Variants in SPAG6 observed in about 807,000 individuals in gnomAD.
SPAG6 encodes the protein sperm associated antigen 6, also known as sperm-associated antigen 6.
In SPAG6, 49 loss-of-function variants were observed where a neutral mutation model predicts 58.5. The observed-to-expected ratio is 0.84, with a 90% CI of 0.67 to 1.06. SPAG6 has a LOEUF of 1.06. Ranked by LOEUF, SPAG6 falls within the 50% of genes least tolerant of loss-of-function variation. SPAG6 has a pLI of 0.00. For missense variants in SPAG6, 560 were observed against 611.3 expected, an observed-to-expected ratio of 0.92 and a Z score of 0.89; for synonymous variants, 233 against 225.6, an observed-to-expected ratio of 1.03 and a Z score of -0.29.
intron 3 of SPAG6, among the ~76,000 whole-genome samples, chr10:22,365,451 A>G (rs549931270): frequency 2.0e-5 from 3 of 152,204 alleles, no homozygotes; most frequent in Non-Finnish European, 4.4e-5. Flanking sequence ...GAGAATAAGT[A>G]TGTGTAATGG....
intron 6 of SPAG6, among the ~76,000 whole-genome samples, chr10:22,388,608 T>G (rs1022010454): frequency 6.6e-6 from 1 of 152,192 alleles, no homozygotes; most frequent in Admixed American, 6.5e-5. Context: ...TGAAGTATCT[T>G]TTTTCTGTGT....
At chr10:22,372,110 CT>C (rs995304257) in intron 4 of SPAG6, among the ~76,000 whole-genome samples, 2 of 152,098 alleles carry the variant, frequency 1.3e-5, no homozygotes, top group African/African-American at 4.8e-5. Context: ...TTTTGTAACC[CT>C]TTCCCACTCT....
At chr10:22,409,601 A>G (rs984278001) in intron 9 of SPAG6, among the ~76,000 whole-genome samples, 3 of 152,228 alleles carry the variant, frequency 2.0e-5, no homozygotes, top group Non-Finnish European at 2.9e-5. Context: ...TATAGTCTGA[A>G]GTCTTCAGAT....
At chr10:22,379,844 G>A (rs908397113) in intron 4 of SPAG6, among the ~76,000 whole-genome samples, 2 of 152,218 alleles carry the variant, frequency 1.3e-5, no homozygotes, top group Non-Finnish European at 2.9e-5. Flanking sequence ...TGCCTAGGCT[G>A]AGTACAGTGG....
At chr10:22,392,703 A>G (rs1476507549) in intron 8 of SPAG6, among the ~76,000 whole-genome samples, 1 of 152,152 alleles carries the variant, frequency 6.6e-6, no homozygotes, top group Non-Finnish European at 1.5e-5. Context: ...TTTAATTAAA[A>G]CAGTAAACAA....
intron 2 of SPAG6, among the ~76,000 whole-genome samples, chr10:22,353,707 C>A (rs1055704315): frequency 4.6e-5 from 7 of 152,142 alleles, no homozygotes; most frequent in Non-Finnish European, 8.8e-5. Context: ...GAGGCATAGT[C>A]CCTGTGCTTA....
chr10:22,401,135 G>T, intron 8 of SPAG6, 26 bp from the exon 9 acceptor site: 1 of 1,012,040 alleles, frequency 9.9e-7, no homozygotes, highest in Non-Finnish European at 1.6e-6. Context: ...ACTTACTTAT[G>T]TATACATTCT....
rs1028904324 is a variant in SPAG6, at chr10:22,346,118, T to C, written c.121+300T>C. ...ATTTTACGTGAATGGGACTCTACCC[T>C]AATGAGACCCATTTTATCCAAGTGC... is the stretch of plus-strand genomic sequence containing the variant. On this transcript the variant is annotated intron_variant, in intron 2 of 10. Transcript: ENST00000376624. 7 of 1,423,954 alleles carry C rather than the reference T, an allele frequency of 4.9e-6. No individual in the cohort carries two copies. The Admixed American group carries it at 1.0e-4, about 21-fold the overall frequency. 88.2% of individuals were successfully genotyped at this position (1,423,954 alleles called of 1,614,324 possible). A position where few individuals can be genotyped will look rare whatever the true frequency, so the allele number is the denominator to read the frequency against.
intron 2 of SPAG6, among the ~76,000 whole-genome samples, chr10:22,354,178 AAG>A (rs1421071534): frequency 6.6e-6 from 1 of 152,202 alleles, no homozygotes; most frequent in African/African-American, 2.4e-5. Context: ...GAGAGTAGAT[AAG>A]AGGGGATTAA....
rs754220965 is a variant in SPAG6, at chr10:22,350,106, CT to C, written c.121+4301del. On this transcript the variant is annotated intron_variant, in intron 2 of 10. Transcript: ENST00000376624. Reference sequence around the variant, plus strand: ...AACCAATCATGCTATTTAAATTTGACTTTTTTTTTTTTTGGTATAGAAGGAG... The same window carrying C: ...AACCAATCATGCTATTTAAATTTGACTTTTTTTTTTTTGGTATAGAAGGAG... Among the ~76,000 whole-genome samples the C allele has an allele frequency of 5.7e-3, 815 of 142,402 alleles. 1 individual carries two copies. Among genetic ancestry groups the C allele is most frequent in the African/African-American group, 0.011 (442 of 39,140 alleles). The allele number at this position is 142,402 out of a possible 152,430, so 93.4% of individuals were successfully genotyped here.
chr10:22,367,103 A>T (rs1837222303), intron 3 of SPAG6, among the ~76,000 whole-genome samples: 1 of 151,924 alleles, frequency 6.6e-6, no homozygotes, highest in South Asian at 2.1e-4. Flanking sequence ...AGGGAATGAG[A>T]TCAGAAAGTG....
chr10:22,404,931 G>T (rs1387253852), intron 9 of SPAG6, among the ~76,000 whole-genome samples: 2 of 151,608 alleles, frequency 1.3e-5, no homozygotes, highest in African/African-American at 4.8e-5. Context: ...TCATGATTTG[G>T]CTGTTTGTCT....
chr10:22,411,985 A>G (rs1379473499), intron 10 of SPAG6, among the ~76,000 whole-genome samples: 2 of 151,558 alleles, frequency 1.3e-5, no homozygotes, highest in Admixed American at 1.3e-4. Context: ...AGTAGCTGGT[A>G]CTACAGACGC....
At chr10:22,405,702 A>G (rs1733699293) in intron 9 of SPAG6, among the ~76,000 whole-genome samples, 1 of 152,090 alleles carries the variant, frequency 6.6e-6, no homozygotes, top group African/African-American at 2.4e-5. Context: ...GAATAGTTTC[A>G]GAAGGAATGG....
chr10:22,409,203 T>C (rs1834655058), intron 9 of SPAG6, among the ~76,000 whole-genome samples: 1 of 152,088 alleles, frequency 6.6e-6, no homozygotes, highest in Non-Finnish European at 1.5e-5. Flanking sequence ...AAAGAGATGA[T>C]AAAGCAAGGT....
chr10:22,352,970 T>G lies in SPAG6; in HGVS notation c.121+7152T>G, dbSNP rs1427140527. 2.0e-5 allele frequency among the ~76,000 whole-genome samples: 3 copies of G among 152,336 alleles called. No homozygotes were observed. In the East Asian group the frequency reaches 5.8e-4, roughly 29 times the overall value. On this transcript the variant is annotated intron_variant, in intron 2 of 10. Transcript: ENST00000376624. The stretch of plus-strand genomic sequence containing the variant: ...CTCAGTGCTCTGTTCAGAACTCAGT[T>G]GCAGCAGCTATCTTCAACCTACATT...
At chr10:22,350,050 A>C (rs1461862886) in intron 2 of SPAG6, among the ~76,000 whole-genome samples, 1 of 152,198 alleles carries the variant, frequency 6.6e-6, no homozygotes, top group African/African-American at 2.4e-5. Flanking sequence ...GAAACTGAAA[A>C]GAAAATTAAC....
At chr10:22,394,913 G>A (rs1037095194) in intron 8 of SPAG6, among the ~76,000 whole-genome samples, 8 of 151,996 alleles carry the variant, frequency 5.3e-5, no homozygotes, top group African/African-American at 1.9e-4. Flanking sequence ...GTCTCACTGT[G>A]TTGCCCAGGC....
chr10:22,365,575 T>C (rs1421202833), intron 3 of SPAG6, among the ~76,000 whole-genome samples: 2 of 152,182 alleles, frequency 1.3e-5, no homozygotes, highest in African/African-American at 4.8e-5. Flanking sequence ...TCTTTTTCTA[T>C]ACAATGCCAG....
Sources: allele counts gnomAD v4.1 joint callset (sites outside exome capture counted in the v4.1 genomes callset), GRCh38; gene constraint gnomAD v4.1.1; transcripts MANE v1.5; gene names NCBI Gene and HGNC (gene_info 2026-07-23, HGNC 2026-07-21).